Variants in CYLD observed in about 807,000 individuals in gnomAD.
The protein encoded by CYLD is CYLD lysine 63 deubiquitinase.
Under a neutral mutation model 104.5 loss-of-function variants are expected in CYLD, and 26 were observed. That is an observed-to-expected ratio of 0.25 (90% CI 0.18 to 0.35). CYLD has a LOEUF of 0.35. Ranked by LOEUF, CYLD falls within the 10% of genes least tolerant of loss-of-function variation. The pLI is 1.00. For synonymous variants in CYLD, 385 were observed against 399.9 expected (o/e 0.96, Z 0.45); for missense variants, 703 against 1,136.1 (o/e 0.62, Z 5.48).
rs375658874 is a variant in CYLD, at chr16:50,767,519, T to TA, written c.914-7637dup. ...TACTTTTGAAAGCTCAAAAAATAATTAAAAAAAAAAGCATTTTAGATTGAA... is the reference window on the plus strand; with the variant it reads ...TACTTTTGAAAGCTCAAAAAATAATTAAAAAAAAAAAGCATTTTAGATTGAA... On this transcript the variant is annotated intron_variant, in intron 5 of 18. Coordinates refer to ENST00000427738, the MANE Select transcript of CYLD (RefSeq NM_001378743.1). Among the ~76,000 whole-genome samples the TA allele has an allele frequency of 3.2e-3, 464 of 146,948 alleles. 4 individuals are homozygous for TA. Among genetic ancestry groups the TA allele is most frequent in the African/African-American group, 0.01 (405 of 40,194 alleles).
chr16:50,778,137 T>C (rs1251246569), intron 8 of CYLD, 196 bp downstream of exon 8: 1 of 523,332 alleles, frequency 1.9e-6, no homozygotes, highest in Admixed American at 3.3e-5. Flanking sequence ...TTAAGAAATG[T>C]ATTAGTAATT....
At chr16:50,757,653 C>G (rs1185609389) in intron 5 of CYLD, among the ~76,000 whole-genome samples, 1 of 152,086 alleles carries the variant, frequency 6.6e-6, no homozygotes, top group Non-Finnish European at 1.5e-5. Flanking sequence ...TCTCCTGCCT[C>G]AGCCTCCCGA....
In CYLD at chr16:50,796,522, GA is replaced by G; in HGVS notation, c.*17del. 6.2e-7 allele frequency: 1 copy of G among 1,611,168 alleles called. No homozygotes were observed. Reference sequence around the variant, plus strand: ...TTGTACAAATAACTGGGGTCATCGGGAAAGGCAAAGAAACTGAAGGCAGAGT... The same window carrying G: ...TTGTACAAATAACTGGGGTCATCGGGAAGGCAAAGAAACTGAAGGCAGAGT... On this transcript the variant is annotated 3_prime_UTR_variant, in exon 19 of 19. Coordinates refer to ENST00000427738, the MANE Select transcript of CYLD (RefSeq NM_001378743.1).
At chr16:50,763,707 C>G (rs1968195883) in intron 5 of CYLD, among the ~76,000 whole-genome samples, 1 of 152,104 alleles carries the variant, frequency 6.6e-6, no homozygotes, top group Non-Finnish European at 1.5e-5. Context: ...ACAGTTTTGC[C>G]TCTTCTGAAT....
rs889943321 is a variant in CYLD, at chr16:50,757,238, A to C, written c.913+2814A>C. 3.7e-4 allele frequency among the ~76,000 whole-genome samples: 57 copies of C among 152,024 alleles called. 1 individual carries two copies. Among genetic ancestry groups the C allele is most frequent in the African/African-American group, 1.4e-3 (57 of 41,456 alleles). On this transcript the variant is annotated intron_variant, in intron 5 of 18. Transcript: ENST00000427738. ...CTGTTTTCCTGTTGCTGAAGCAAGT[A>C]ATCAATGCTTGTTTTTCAAGTTAGG...
chr16:50,781,497 G>A, intron 10 of CYLD, 86 bp downstream of exon 10: 1 of 1,487,688 alleles, frequency 6.7e-7, no homozygotes, highest in Non-Finnish European at 9.3e-7. Context: ...GATGGTGACA[G>A]TGTTTTAATA....
Position 50,794,329 on chromosome 16 carries a change from G to T in CYLD, c.2587G>T (p.Ala863Ser). The T allele has an allele frequency of 6.2e-7, 1 of 1,614,180 alleles. No homozygotes were observed. The highest frequency in any genetic ancestry group is 8.5e-7 in the Non-Finnish European group (1 of 1,180,032). Residue 863 changes from alanine (A) to serine (S), a missense_variant, in exon 18 of 19, where the codon GCT (alanine) becomes TCT (serine). Ala to Ser is a moderately conservative substitution (Grantham distance 99). Coordinates refer to ENST00000427738, the MANE Select transcript of CYLD (RefSeq NM_001378743.1). The surrounding 1 kb of genome is among the most constrained non-coding windows in gnomAD (Gnocchi z 4.1). ...CCCTTGCCAGAATATGGAGTTATTT[G>T]CTGTTCTCTGCATAGAAACAAGCCA... is the stretch of plus-strand genomic sequence containing the variant. ...CIPCQNMELF[A>S]VLCIETSHYV...
rs567662515 is a variant in CYLD at position 50,800,244 on chromosome 16, G to A, written c.*3736G>A. 7.3e-4 allele frequency: 170 copies of A among 233,294 alleles called. No homozygotes were observed. The highest frequency in any genetic ancestry group is 1.1e-3 in the Non-Finnish European group (132 of 117,982). The allele number at this position is 233,294 out of a possible 1,614,324, so 14.5% of individuals were successfully genotyped here. A position where few individuals can be genotyped will look rare whatever the true frequency, so the allele number is the denominator to read the frequency against. On this transcript the variant is annotated 3_prime_UTR_variant, in exon 19 of 19. Coordinates refer to ENST00000427738, the MANE Select transcript of CYLD (RefSeq NM_001378743.1). Reference sequence around the variant, plus strand: ...TAGGCCATGCCTGCTGAATCCGACTGTTCAGGAAGAGGCCTAGGAAATCTG... The same window carrying A: ...TAGGCCATGCCTGCTGAATCCGACTATTCAGGAAGAGGCCTAGGAAATCTG...
chr16:50,761,312 AC>A (rs763498073), intron 5 of CYLD, among the ~76,000 whole-genome samples: 2 of 152,280 alleles, frequency 1.3e-5, no homozygotes, highest in East Asian at 3.9e-4. Flanking sequence ...AACAGGATGT[AC>A]CATTTTAACA....
At chr16:50,788,772 G>GA (rs1971106640) in intron 14 of CYLD, among the ~76,000 whole-genome samples, 1 of 151,986 alleles carries the variant, frequency 6.6e-6, no homozygotes, top group Non-Finnish European at 1.5e-5. Flanking sequence ...AATATCCATG[G>GA]AAAAATCAAT....
rs528100675 is a variant in CYLD at position 50,794,225 on chromosome 16, C to T, written c.2483C>T (p.Pro828Leu). The T allele has an allele frequency of 1.8e-5, 29 of 1,614,040 alleles. No homozygotes were observed. The South Asian group carries it at 2.1e-4, about 12-fold the overall frequency. The change falls in exon 18 of 19, where the codon CCG (proline) becomes CTG (leucine). Residue 828 changes from proline to leucine, a missense_variant. By Grantham distance (98) the Pro-to-Leu change is moderately conservative. Around this residue, in one of 5 missense-constraint regions of CYLD, gnomAD observed 130 missense variants for 220.2 expected, o/e 0.59. Coordinates refer to ENST00000427738, the MANE Select transcript of CYLD (RefSeq NM_001378743.1). The surrounding 1 kb of genome is among the most constrained non-coding windows in gnomAD (Gnocchi z 4.1). The stretch of plus-strand genomic sequence containing the variant: ...GGTCCATTTTAGGTCCACCTTCATC[C>T]GAAGAGGCTGAATCATAAATATAAC... ...KTCNTQVHLH[P>L]KRLNHKYNPV...
rs144931752 is a variant in CYLD at position 50,754,875 on chromosome 16, GTA to G, written c.913+462_913+463del. On this transcript the variant is annotated intron_variant, in intron 5 of 18. Transcript: ENST00000427738. ...TGTATATATATACACACACACATAT[GTA>G]TATATATATACGCATATATACATAT... Among the ~76,000 whole-genome samples, 97 of 147,260 alleles carry G rather than the reference GTA, an allele frequency of 6.6e-4. No homozygotes were observed. The East Asian group carries it at 0.014, about 21-fold the overall frequency.
At chr16:50,775,443 G>A (rs937092872) in intron 6 of CYLD, among the ~76,000 whole-genome samples, 9 of 152,046 alleles carry the variant, frequency 5.9e-5, no homozygotes, top group Non-Finnish European at 1.3e-4. Context: ...TTTAATCTAT[G>A]CATAATTCTC....
intron 18 of CYLD, chr16:50,795,559 G>T: frequency 1.4e-6 from 1 of 702,922 alleles, no homozygotes; most frequent in Non-Finnish European, 2.6e-6. Context: ...TGCTCTCTCA[G>T]ATCCAGCCCC....
At position 50,798,256 on chromosome 16, in the gene CYLD, G is replaced by A. The variant is rs949224402; in HGVS notation, c.*1748G>A. The A allele has an allele frequency of 2.6e-5, 6 of 231,948 alleles. No homozygotes were observed. The highest frequency in any genetic ancestry group is 1.1e-4 in the Admixed American group (2 of 17,736). 14.4% of individuals were successfully genotyped at this position (231,948 alleles called of 1,614,324 possible). ...GGAATCTAAATGAAGCCAGCCCTCGGTATCTGCAGGTTTCTCATCCATGGA... is the reference window on the plus strand; with the variant it reads ...GGAATCTAAATGAAGCCAGCCCTCGATATCTGCAGGTTTCTCATCCATGGA... On this transcript the variant is annotated 3_prime_UTR_variant, in exon 19 of 19. Coordinates refer to ENST00000427738, the MANE Select transcript of CYLD (RefSeq NM_001378743.1).
rs546456659 is a variant in CYLD at position 50,773,046 on chromosome 16, T to G, written c.914-2120T>G. ...AGGATATTTCTGGCATCGGGTTTAATAATACCTCATTCTACTCAAGTAAAC... is the reference window on the plus strand; with the variant it reads ...AGGATATTTCTGGCATCGGGTTTAAGAATACCTCATTCTACTCAAGTAAAC... On this transcript the variant is annotated intron_variant, in intron 5 of 18. Coordinates refer to ENST00000427738, the MANE Select transcript of CYLD (RefSeq NM_001378743.1). Among the ~76,000 whole-genome samples the G allele has an allele frequency of 1.1e-4, 16 of 152,350 alleles. No homozygotes were observed. In the South Asian group the frequency reaches 3.3e-3, roughly 32 times the overall value.
At chr16:50,792,448 A>G in intron 15 of CYLD, 149 bp from the exon 16 acceptor site, 1 of 615,822 alleles carries the variant, frequency 1.6e-6, no homozygotes, top group South Asian at 1.9e-5. Flanking sequence ...TCCTCTGTCC[A>G]CAGCCCATGG....
At chr16:50,746,425 G>T (rs1453409844) in intron 2 of CYLD, among the ~76,000 whole-genome samples, 1 of 152,202 alleles carries the variant, frequency 6.6e-6, no homozygotes, top group Non-Finnish European at 1.5e-5. Context: ...TCTATCAGTT[G>T]CAGTGAAGAG....
In CYLD at chr16:50,775,729, G is replaced by A. The variant is rs558858725; in HGVS notation, c.923-450G>A. 5.9e-5 allele frequency among the ~76,000 whole-genome samples: 9 copies of A among 152,216 alleles called. No individual in the cohort carries two copies. The East Asian group carries it at 7.7e-4, about 13-fold the overall frequency. ...TTAGCATATTAAAGGCTCTGGTTCC[G>A]TGCAGTAAAGAAATTGTTTATCTTT... On this transcript the variant is annotated intron_variant, in intron 6 of 18. Coordinates refer to ENST00000427738, the MANE Select transcript of CYLD (RefSeq NM_001378743.1).
Sources: allele counts gnomAD v4.1 joint callset (sites outside exome capture counted in the v4.1 genomes callset), GRCh38; gene constraint gnomAD v4.1.1; regional missense constraint gnomAD v4.1.1; non-coding constraint Gnocchi (gnomAD v3.1); transcripts MANE v1.5; gene names NCBI Gene and HGNC (gene_info 2026-07-23, HGNC 2026-07-21).